The following PAX5 variants were observed in gnomAD, a reference collection of about 807,000 sequenced individuals.
PAX5 encodes paired box protein Pax-5.
In PAX5, 9 loss-of-function variants were observed where a neutral mutation model predicts 43.7. The ratio of observed to expected loss-of-function variants is 0.21; its 90% CI spans 0.12 to 0.36. PAX5 has a LOEUF of 0.36. PAX5 is among the 10% of genes least tolerant of loss of function. The pLI is 1.00. For synonymous variants in PAX5, 228 were observed against 214.3 expected, an observed-to-expected ratio of 1.06 and a Z score of -0.56; for missense variants, 383 against 532.7, an observed-to-expected ratio of 0.72 and a Z score of 2.77.
chr9:36,948,981 C>T (rs1399447210), intron 6 of PAX5, among the ~76,000 whole-genome samples: 2 of 152,196 alleles, frequency 1.3e-5, no homozygotes, highest in Non-Finnish European at 2.9e-5. Flanking sequence ...GGAGTACCTA[C>T]TATGGGCTGA....
At chr9:36,957,334 G>A (rs1321964459) in intron 6 of PAX5, among the ~76,000 whole-genome samples, 1 of 152,176 alleles carries the variant, frequency 6.6e-6, no homozygotes, top group African/African-American at 2.4e-5. Flanking sequence ...CTCCTCTAAG[G>A]GGTGCTTAAG....
intron 8 of PAX5, among the ~76,000 whole-genome samples, chr9:36,858,459 T>C (rs1823875411): frequency 6.6e-6 from 1 of 152,184 alleles, no homozygotes; most frequent in South Asian, 2.1e-4. Flanking sequence ...ACAGACAAGA[T>C]TGGTTTCCAG....
chr9:36,856,912 G>A (rs1339964203), intron 8 of PAX5, among the ~76,000 whole-genome samples: 2 of 152,186 alleles, frequency 1.3e-5, no homozygotes, highest in East Asian at 3.8e-4. Flanking sequence ...CAGATGCTTG[G>A]CCTGGAAACC....
intron 9 of PAX5, among the ~76,000 whole-genome samples, chr9:36,843,481 A>G (rs890459519): frequency 1.3e-5 from 2 of 152,248 alleles, no homozygotes; most frequent in East Asian, 1.9e-4. Context: ...ATGAGGCTGC[A>G]GGGATGACTA....
intron 9 of PAX5, 43 bp downstream of exon 9, chr9:36,846,800 G>C (rs1822621692): frequency 7.0e-6 from 10 of 1,427,806 alleles, no homozygotes; most frequent in Non-Finnish European, 9.9e-6. Context: ...GGATGGGGTA[G>C]CTGATGGCCC....
In PAX5 at chr9:36,949,406, G is replaced by A. The variant is rs947989656; in HGVS notation, c.780+17143C>T. ...CCCATTTTACTTATGAGAAAACTGA[G>A]GATAAAGCAGTGGTAAAGCCAAGTA... On this transcript the variant is annotated intron_variant, in intron 6 of 9. Coordinates refer to ENST00000358127, the MANE Select transcript of PAX5 (RefSeq NM_016734.3). 2.8e-5 allele frequency among the ~76,000 whole-genome samples: 4 copies of A among 141,992 alleles called. No individual in the cohort carries two copies. The South Asian group carries it at 6.7e-4, about 24-fold the overall frequency. The allele number at this position is 141,992 out of a possible 152,430, so 93.2% of individuals were successfully genotyped here.
At chr9:36,958,791 C>G (rs1352016810) in intron 6 of PAX5, among the ~76,000 whole-genome samples, 1 of 152,224 alleles carries the variant, frequency 6.6e-6, no homozygotes, top group Non-Finnish European at 1.5e-5. Context: ...CACAAGTCCC[C>G]TCGCACCTCA....
At chr9:36,869,168 G>A (rs1288238557) in intron 8 of PAX5, among the ~76,000 whole-genome samples, 5 of 152,206 alleles carry the variant, frequency 3.3e-5, no homozygotes, top group African/African-American at 1.2e-4. Flanking sequence ...ACAGCTGTCA[G>A]GGTCTTGGAG....
chr9:36,940,336 C>T (rs1257214891), intron 6 of PAX5, among the ~76,000 whole-genome samples: 1 of 152,180 alleles, frequency 6.6e-6, no homozygotes, highest in Non-Finnish European at 1.5e-5. Flanking sequence ...ATTTCTATCG[C>T]ACGCACCTAA....
chr9:36,969,420 G>C (rs911570261), intron 5 of PAX5, among the ~76,000 whole-genome samples: 1 of 152,232 alleles, frequency 6.6e-6, no homozygotes, highest in Admixed American at 6.5e-5. Flanking sequence ...GTTCAGAGAG[G>C]GTGGCTCCAC....
At chr9:36,990,197 T>A (rs1836803968) in intron 5 of PAX5, among the ~76,000 whole-genome samples, 1 of 152,220 alleles carries the variant, frequency 6.6e-6, no homozygotes, top group South Asian at 2.1e-4. Flanking sequence ...CTGAGCACTT[T>A]ACATGCATAA....
chr9:36,975,224 G>A (rs1588125670), intron 5 of PAX5, among the ~76,000 whole-genome samples: 2 of 152,134 alleles, frequency 1.3e-5, no homozygotes, highest in African/African-American at 4.8e-5. Flanking sequence ...AGATAACACA[G>A]CAGAGCACTT....
At chr9:36,874,082 C>T (rs1344946707) in intron 8 of PAX5, among the ~76,000 whole-genome samples, 1 of 152,152 alleles carries the variant, frequency 6.6e-6, no homozygotes, top group Non-Finnish European at 1.5e-5. Flanking sequence ...GGTGGGCTTG[C>T]CAGACCACAA....
intron 6 of PAX5, chr9:36,930,811 T>G (rs1831060741): frequency 7.7e-7 from 1 of 1,296,674 alleles, no homozygotes; most frequent in Non-Finnish European, 1.0e-6. Flanking sequence ...GGTTCAGGAA[T>G]TCTAGCAAGG....
Position 37,002,782 on chromosome 9 carries a change from C to G in PAX5, c.476-6G>C. 1 of 1,605,342 alleles carries G rather than the reference C, an allele frequency of 6.2e-7. No individual in the cohort carries two copies. The highest frequency in any genetic ancestry group is 1.3e-5 in the African/African-American group (1 of 74,886). On this transcript the variant is annotated splice_region_variant and splice_polypyrimidine_tract_variant and intron_variant, in intron 4 of 9. Coordinates refer to ENST00000358127, the MANE Select transcript of PAX5 (RefSeq NM_016734.3). ...CGTCACGGAGCCAGTGGACACTGCG[C>G]GGAGAAAGACGGGCGGTCAGGGCCG...
chr9:36,866,829 G>A (rs575479641), intron 8 of PAX5, among the ~76,000 whole-genome samples: 7 of 152,156 alleles, frequency 4.6e-5, no homozygotes, highest in African/African-American at 7.2e-5. Flanking sequence ...AGTGATGGAC[G>A]GAAAAGCAGC....
At chr9:37,026,128 T>C (rs953757862) in intron 1 of PAX5, among the ~76,000 whole-genome samples, 4 of 152,216 alleles carry the variant, frequency 2.6e-5, no homozygotes, top group Non-Finnish European at 5.9e-5. Flanking sequence ...ATCAGCCCCA[T>C]GGCTGAAAAA....
chr9:36,862,262 G>A (rs950663968), intron 8 of PAX5, among the ~76,000 whole-genome samples: 5 of 152,152 alleles, frequency 3.3e-5, no homozygotes, highest in Non-Finnish European at 7.3e-5. Context: ...GGAGGGGTGT[G>A]GGTGCGGAGT....
chr9:36,926,971 G>T lies in PAX5; in HGVS notation c.781-3487C>A, dbSNP rs60393305. ...TTGGTGCAGGCTGTATTTAACCTGGGAGTGAACAATCCCTAACTCCCAAGA... is the reference window on the plus strand; with the variant it reads ...TTGGTGCAGGCTGTATTTAACCTGGTAGTGAACAATCCCTAACTCCCAAGA... On this transcript the variant is annotated intron_variant, in intron 6 of 9. Coordinates refer to ENST00000358127, the MANE Select transcript of PAX5 (RefSeq NM_016734.3). 9.9e-3 allele frequency among the ~76,000 whole-genome samples: 1,507 copies of T among 152,248 alleles called. 28 individuals are homozygous for T. The highest frequency in any genetic ancestry group is 0.034 in the African/African-American group (1,424 of 41,532).
Sources: allele counts gnomAD v4.1 joint callset (sites outside exome capture counted in the v4.1 genomes callset), GRCh38; gene constraint gnomAD v4.1.1; transcripts MANE v1.5; gene names NCBI Gene and HGNC (gene_info 2026-07-23, HGNC 2026-07-21).